Variants in SAMD12 observed in about 807,000 individuals in gnomAD.
SAMD12 encodes sterile alpha motif domain containing 12, also known as sterile alpha motif domain-containing protein 12.
Under a neutral mutation model 15.0 loss-of-function variants are expected in SAMD12, and 9 were observed. That is an observed-to-expected ratio of 0.60 (90% CI 0.36 to 1.05). The LOEUF is 1.05. SAMD12 is among the 50% of genes least tolerant of loss of function. SAMD12 has a pLI of 0.01. For missense variants in SAMD12, 230 were observed against 234.2 expected (o/e 0.98, Z 0.12); for synonymous variants, 86 against 90.1 (o/e 0.96, Z 0.25).
intron 1 of SAMD12, chr8:118,621,533 A>C: frequency 2.0e-6 from 1 of 490,354 alleles, no homozygotes; most frequent in Non-Finnish European, 3.6e-6. Flanking sequence ...CCCCATTTCC[A>C]GGATATCGTT....
chr8:118,318,691 C>T (rs12545241), intron 4 of SAMD12, among the ~76,000 whole-genome samples: 9,869 of 152,022 alleles, frequency 0.065, 605 homozygotes, highest in East Asian at 0.14. Flanking sequence ...CCAAAAACCA[C>T]TTGTATTCCC....
intron 3 of SAMD12, among the ~76,000 whole-genome samples, chr8:118,393,381 T>A (rs1325158577): frequency 1.1e-5 from 1 of 87,612 alleles, no homozygotes; most frequent in Non-Finnish European, 2.5e-5. Flanking sequence ...TATGTATGTG[T>A]GTATATACAT....
chr8:118,584,549 C>T (rs566927113), intron 1 of SAMD12, among the ~76,000 whole-genome samples: 2 of 152,226 alleles, frequency 1.3e-5, no homozygotes, highest in East Asian at 3.9e-4. Flanking sequence ...GAACTGACAC[C>T]GCAGGCAGCT....
intron 2 of SAMD12, among the ~76,000 whole-genome samples, chr8:118,446,665 C>T (rs764624802): frequency 6.6e-6 from 1 of 152,140 alleles, no homozygotes; most frequent in Non-Finnish European, 1.5e-5. Context: ...TCAAAACGTA[C>T]TTTCATATGG....
intron 3 of SAMD12, among the ~76,000 whole-genome samples, chr8:118,434,064 A>G (rs1232022681): frequency 6.6e-6 from 1 of 152,228 alleles, no homozygotes; most frequent in East Asian, 1.9e-4. Flanking sequence ...ATCAGCCCTG[A>G]AGAGAACAAC....
At chr8:118,274,176 T>A (rs1011332606) in intron 4 of SAMD12, among the ~76,000 whole-genome samples, 1 of 152,176 alleles carries the variant, frequency 6.6e-6, no homozygotes, top group South Asian at 2.1e-4. Flanking sequence ...GAGTGCTGCA[T>A]GACATGAACC....
intron 2 of SAMD12, among the ~76,000 whole-genome samples, chr8:118,479,790 T>C (rs1824072794): frequency 6.6e-6 from 1 of 151,206 alleles, no homozygotes; most frequent in East Asian, 1.9e-4. Flanking sequence ...TTTTTTTTAA[T>C]ATAATTGCTT....
At chr8:118,579,423 T>C (rs1045449728) in intron 2 of SAMD12, among the ~76,000 whole-genome samples, 1 of 152,172 alleles carries the variant, frequency 6.6e-6, no homozygotes, top group Non-Finnish European at 1.5e-5. Flanking sequence ...AAATATCCTA[T>C]GAGTTGCCAT....
At chr8:118,550,948 G>C (rs1208397563) in intron 2 of SAMD12, among the ~76,000 whole-genome samples, 1 of 150,926 alleles carries the variant, frequency 6.6e-6, no homozygotes, top group Non-Finnish European at 1.5e-5. Flanking sequence ...TTACATAATG[G>C]TAAAGGGATC....
intron 2 of SAMD12, among the ~76,000 whole-genome samples, chr8:118,564,390 A>C (rs976478928): frequency 6.6e-6 from 1 of 152,234 alleles, no homozygotes; most frequent in African/African-American, 2.4e-5. Context: ...TGTCACTTAC[A>C]TACAATACAA....
At chr8:118,531,005 T>A (rs1370116049) in intron 2 of SAMD12, among the ~76,000 whole-genome samples, 1 of 152,230 alleles carries the variant, frequency 6.6e-6, no homozygotes, top group South Asian at 2.1e-4. Context: ...TACATGCCCA[T>A]GACTATGTCC....
chr8:118,388,115 G>T (rs1283405868), intron 3 of SAMD12, among the ~76,000 whole-genome samples: 1 of 152,214 alleles, frequency 6.6e-6, no homozygotes, highest in Non-Finnish European at 1.5e-5. Context: ...ATGGTTAGTA[G>T]GAAGAGCATT....
chr8:118,293,807 G>A (rs531645691), intron 4 of SAMD12, among the ~76,000 whole-genome samples: 6 of 152,188 alleles, frequency 3.9e-5, no homozygotes, highest in South Asian at 2.1e-4. Context: ...CAGTCTGTTG[G>A]CAAAACCTGA....
intron 4 of SAMD12, among the ~76,000 whole-genome samples, chr8:118,280,748 A>G (rs1002615063): frequency 1.3e-5 from 2 of 152,202 alleles, no homozygotes; most frequent in Admixed American, 6.5e-5. Flanking sequence ...TCATTAGGCA[A>G]CTGAGACTTT....
chr8:118,262,018 A>G (rs867801435), intron 4 of SAMD12, among the ~76,000 whole-genome samples: 3 of 152,040 alleles, frequency 2.0e-5, no homozygotes, highest in Admixed American at 6.6e-5. Context: ...CATTCCTGTC[A>G]TTTGCAACAA....
At position 118,498,397 on chromosome 8, in the gene SAMD12, C is replaced by A. The variant is rs564693055; in HGVS notation, c.193-58436G>T. 4.6e-5 allele frequency among the ~76,000 whole-genome samples: 7 copies of A among 152,330 alleles called. No homozygotes were observed. In the South Asian group the frequency reaches 1.2e-3, roughly 27 times the overall value. The stretch of plus-strand genomic sequence containing the variant: ...TACACGAATATATTTTATTTAAGAT[C>A]TGCTTGTTGGCATGTTATGCCTGTA... On this transcript the variant is annotated intron_variant, in intron 2 of 3. Coordinates refer to ENST00000314727, the MANE Select transcript of SAMD12 (RefSeq NM_207506.3).
intron 2 of SAMD12, among the ~76,000 whole-genome samples, chr8:118,459,405 T>C (rs551800633): frequency 6.6e-5 from 10 of 152,308 alleles, no homozygotes; most frequent in African/African-American, 2.2e-4. Context: ...AACTTTGCAG[T>C]TCCTATTTGC....
rs556901289 is a variant in SAMD12 at position 118,320,820 on chromosome 8, A to AATAT, written c.433+58736_433+58739dup. 6.5e-3 allele frequency among the ~76,000 whole-genome samples: 805 copies of AATAT among 123,090 alleles called. 5 individuals carry two copies. The highest frequency in any genetic ancestry group is 0.021 in the African/African-American group (767 of 37,218). The allele number at this position is 123,090 out of a possible 152,430, so 80.8% of individuals were successfully genotyped here. A position where few individuals can be genotyped will look rare whatever the true frequency, so the allele number is the denominator to read the frequency against. Reference sequence around the variant, plus strand: ...ACCCTAGAACTTAAAGTATAATAAAAATATATATATATATATAAAAATCTA... The same window carrying AATAT: ...ACCCTAGAACTTAAAGTATAATAAAAATATATATATATATATATATAAAAATCTA... On this transcript the variant is annotated intron_variant, in intron 4 of 4. Coordinates refer to the SAMD12 transcript ENST00000409003.
chr8:118,249,403 T>A (rs1288050438), intron 4 of SAMD12, among the ~76,000 whole-genome samples: 1 of 152,200 alleles, frequency 6.6e-6, no homozygotes, highest in Non-Finnish European at 1.5e-5. Context: ...TTCATGTGGA[T>A]TCAACCTAGT....
Sources: allele counts gnomAD v4.1 joint callset (sites outside exome capture counted in the v4.1 genomes callset), GRCh38; gene constraint gnomAD v4.1.1; transcripts MANE v1.5; gene names NCBI Gene and HGNC (gene_info 2026-07-23, HGNC 2026-07-21).